The following ST14 variants were observed in gnomAD, a reference collection of about 807,000 sequenced individuals.
ST14 encodes suppressor of tumorigenicity 14 protein.
A neutral mutation model predicts 96.5 loss-of-function variants in ST14; 40 were observed. That is an observed-to-expected ratio of 0.41 (90% CI 0.32 to 0.54). The LOEUF is 0.54. ST14 is among the 20% of genes least tolerant of loss of function. The pLI is 0.17. For synonymous variants in ST14, 506 were observed against 492.1 expected, an observed-to-expected ratio of 1.03 and a Z score of -0.37; for missense variants, 1,066 against 1,188.9, an observed-to-expected ratio of 0.90 and a Z score of 1.52.
chr11:130,194,800 C>T lies in ST14; in HGVS notation c.1113+63C>T, dbSNP rs1953341785. 9 of 1,545,070 alleles carry T rather than the reference C, an allele frequency of 5.8e-6. No homozygotes were observed. The South Asian group carries it at 7.9e-5, about 14-fold the overall frequency. ...AGCATGTATGTGCACGTGTGTGTGT[C>T]TCCCTGTGCAGATGTGTGTGGATGT... On this transcript the variant is annotated intron_variant, in intron 9 of 18. Coordinates refer to ENST00000278742, the MANE Select transcript of ST14 (RefSeq NM_021978.4).
intron 1 of ST14, among the ~76,000 whole-genome samples, chr11:130,176,050 G>A (rs1336914173): frequency 6.6e-6 from 1 of 151,626 alleles, no homozygotes; most frequent in East Asian, 1.9e-4. Flanking sequence ...GATGCAATGC[G>A]TTTCTGTGCC....
intron 1 of ST14, among the ~76,000 whole-genome samples, chr11:130,185,414 A>T (rs1028636187): frequency 1.3e-5 from 2 of 152,232 alleles, no homozygotes; most frequent in African/African-American, 4.8e-5. Context: ...TCACTTTGGG[A>T]GGCTGAGATG....
intron 1 of ST14, among the ~76,000 whole-genome samples, chr11:130,171,520 G>A (rs916594276): frequency 1.3e-5 from 2 of 152,162 alleles, no homozygotes; most frequent in Non-Finnish European, 2.9e-5. Flanking sequence ...GGGCTCGCTG[G>A]ATCTGCAGAG....
chr11:130,202,716 G>A (rs748366747), intron 16 of ST14, among the ~76,000 whole-genome samples: 4 of 152,190 alleles, frequency 2.6e-5, no homozygotes, highest in African/African-American at 4.8e-5. Context: ...ATCACGTTGC[G>A]GTTAAATGCA....
At chr11:130,186,286 A>AT (rs1953237402) in intron 1 of ST14, among the ~76,000 whole-genome samples, 1 of 152,240 alleles carries the variant, frequency 6.6e-6, no homozygotes, top group South Asian at 2.1e-4. Context: ...TTAGAAAAAA[A>AT]TTTTTAAAAA....
chr11:130,186,770 CAT>C (rs1565622647), intron 1 of ST14, among the ~76,000 whole-genome samples: 1 of 152,062 alleles, frequency 6.6e-6, no homozygotes, highest in East Asian at 1.9e-4. Context: ...TCCACATTGT[CAT>C]AATAGAAAGT....
In ST14 at chr11:130,209,859, C is replaced by A. The variant is rs766311725; in HGVS notation, c.*36C>A. ...CACCCAAATGTGTACACCTGCGGGG[C>A]CACCCATCGTCCACCCCAGTGTGCA... On this transcript the variant is annotated 3_prime_UTR_variant, in exon 19 of 19. Coordinates refer to ENST00000278742, the MANE Select transcript of ST14 (RefSeq NM_021978.4). The A allele has an allele frequency of 1.2e-6, 2 of 1,609,186 alleles. No individual in the cohort carries two copies. Among genetic ancestry groups the A allele is most frequent in the Non-Finnish European group, 1.7e-6 (2 of 1,179,536 alleles).
At chr11:130,166,383 G>A (rs1953041361) in intron 1 of ST14, among the ~76,000 whole-genome samples, 1 of 152,200 alleles carries the variant, frequency 6.6e-6, no homozygotes, top group Admixed American at 6.5e-5. Context: ...GAGGATCGAA[G>A]TTCTGGTAGG....
intron 1 of ST14, among the ~76,000 whole-genome samples, chr11:130,165,000 G>A (rs7108014): frequency 0.042 from 6,447 of 152,190 alleles, 432 homozygotes; most frequent in African/African-American, 0.14. Flanking sequence ...GCCTCCCAAA[G>A]TGCTGGGATT....
chr11:130,171,369 G>T (rs1487195328), intron 1 of ST14, among the ~76,000 whole-genome samples: 1 of 152,210 alleles, frequency 6.6e-6, no homozygotes, highest in Non-Finnish European at 1.5e-5. Flanking sequence ...CACCTTTTGT[G>T]TATCCATTCA....
chr11:130,173,471 C>T (rs1486378147), intron 1 of ST14, among the ~76,000 whole-genome samples: 1 of 152,056 alleles, frequency 6.6e-6, no homozygotes, highest in Non-Finnish European at 1.5e-5. Context: ...TGGCGGGCGC[C>T]TGTAGTCCCA....
At chr11:130,207,648 G>A (rs1009996293) in intron 16 of ST14, among the ~76,000 whole-genome samples, 2 of 152,258 alleles carry the variant, frequency 1.3e-5, no homozygotes, top group Admixed American at 6.5e-5. Context: ...AGTGGGGTGG[G>A]CTCCGGCTCT....
chr11:130,209,833 C>A lies in ST14; in HGVS notation c.*10C>A, dbSNP rs746206683. On this transcript the variant is annotated 3_prime_UTR_variant, in exon 19 of 19. Coordinates refer to ENST00000278742, the MANE Select transcript of ST14 (RefSeq NM_021978.4). ...GAACACTGGGGTATAGGGGCCGGGG[C>A]CACCCAAATGTGTACACCTGCGGGG... The A allele has an allele frequency of 5.0e-6, 8 of 1,612,642 alleles. No individual in the cohort carries two copies. The Admixed American group carries it at 6.7e-5, about 13-fold the overall frequency.
rs563871714 is a variant in ST14, at chr11:130,187,436, G to T, written c.82-678G>T. Among the ~76,000 whole-genome samples, 22 of 152,322 alleles carry T rather than the reference G, an allele frequency of 1.4e-4. No homozygotes were observed. The highest frequency in any genetic ancestry group is 3.3e-4 in the Admixed American group (5 of 15,310). On this transcript the variant is annotated intron_variant, in intron 1 of 18. Transcript: ENST00000278742. The surrounding 1 kb of genome is among the most constrained non-coding windows in gnomAD (Gnocchi z 4.5). ...GCTTTTCCCTCTGTTGGGGCTGCGC[G>T]TGGGTGTGGATTCCCACAGTGGGCC...
Position 130,187,571 on chromosome 11 carries a change from G to A in ST14, c.82-543G>A, listed in dbSNP as rs1217283908. Reference sequence around the variant, plus strand: ...TTTTGGCTGGTTCACCATTGGCAGGGCAAGGCCGCTGGGTAGGGTGTGCAG... The same window carrying A: ...TTTTGGCTGGTTCACCATTGGCAGGACAAGGCCGCTGGGTAGGGTGTGCAG... On this transcript the variant is annotated intron_variant, in intron 1 of 18. Transcript: ENST00000278742. This position sits in a 1 kb window ranked among gnomAD's most constrained non-coding sequence, Gnocchi z 4.5. Among the ~76,000 whole-genome samples, 1 of 152,192 alleles carries A rather than the reference G, an allele frequency of 6.6e-6. No homozygotes were observed. The highest frequency in any genetic ancestry group is 1.5e-5 in the Non-Finnish European group (1 of 68,030).
chr11:130,181,300 C>T lies in ST14; in HGVS notation c.82-6814C>T, dbSNP rs1953190726. 6.6e-6 allele frequency among the ~76,000 whole-genome samples: 1 copy of T among 152,110 alleles called. No homozygotes were observed. The highest frequency in any genetic ancestry group is 2.1e-4 in the South Asian group (1 of 4,828). On this transcript the variant is annotated intron_variant, in intron 1 of 18. Transcript: ENST00000278742. The surrounding 1 kb of genome is among the most constrained non-coding windows in gnomAD (Gnocchi z 4.1). Reference sequence around the variant, plus strand: ...TTGTCCTGAGCCCTTTATCCCCAACCTCCCGCCTGGAAGTCATTCCTCGTT... The same window carrying T: ...TTGTCCTGAGCCCTTTATCCCCAACTTCCCGCCTGGAAGTCATTCCTCGTT...
chr11:130,190,722 T>C (rs1953288644), intron 7 of ST14, 28 bp downstream of exon 7: 1 of 1,543,590 alleles, frequency 6.5e-7, no homozygotes, highest in African/African-American at 1.4e-5. Context: ...CGGGTAGGGC[T>C]GTGGGAGCTT....
intron 16 of ST14, among the ~76,000 whole-genome samples, chr11:130,206,489 T>C (rs1241015158): frequency 6.6e-6 from 1 of 152,224 alleles, no homozygotes; most frequent in Non-Finnish European, 1.5e-5. Flanking sequence ...CAGGCGCGAA[T>C]GTGGTTCCTT....
At chr11:130,172,198 T>TC (rs1953098763) in intron 1 of ST14, among the ~76,000 whole-genome samples, 1 of 151,892 alleles carries the variant, frequency 6.6e-6, no homozygotes, top group African/African-American at 2.4e-5. Context: ...CACTGCAGCC[T>TC]TGACATCCCA....
Sources: allele counts gnomAD v4.1 joint callset (sites outside exome capture counted in the v4.1 genomes callset), GRCh38; gene constraint gnomAD v4.1.1; non-coding constraint Gnocchi (gnomAD v3.1); transcripts MANE v1.5; gene names NCBI Gene and HGNC (gene_info 2026-07-23, HGNC 2026-07-21).